The following LRRC72 variants were observed in gnomAD, a reference collection of about 807,000 sequenced individuals.
The protein encoded by LRRC72 is leucine-rich repeat-containing protein 72.
In LRRC72, 41 loss-of-function variants were observed where a neutral mutation model predicts 35.8. The observed-to-expected ratio is 1.15, with a 90% confidence interval of 0.89 to 1.49. LRRC72 has a LOEUF of 1.49. Among genes scored for constraint, LRRC72 ranks in the 40% most tolerant of loss-of-function variants. The pLI is 0.00. For synonymous variants in LRRC72, 118 were observed against 119.2 expected (o/e 0.99, Z 0.07); for missense variants, 389 against 330.7 (o/e 1.18, Z -1.37).
At chr7:16,580,436 A>G (rs951817695) in intron 8 of LRRC72, among the ~76,000 whole-genome samples, 8 of 152,176 alleles carry the variant, frequency 5.3e-5, no homozygotes, top group African/African-American at 1.9e-4. Context: ...TCAGGTCAGG[A>G]GTTCGAGACC....
chr7:16,567,946 C>G (rs1782878835), intron 7 of LRRC72, among the ~76,000 whole-genome samples: 1 of 152,102 alleles, frequency 6.6e-6, no homozygotes, highest in Non-Finnish European at 1.5e-5. Flanking sequence ...TAAAGATCAT[C>G]TGCAATTCTA....
chr7:16,546,448 A>T (rs1016764299), intron 3 of LRRC72, among the ~76,000 whole-genome samples: 2 of 152,084 alleles, frequency 1.3e-5, no homozygotes, highest in African/African-American at 4.8e-5. Context: ...GTGGCAAACA[A>T]AAATATTTCC....
At chr7:16,547,756 G>C (rs537376438) in intron 3 of LRRC72, among the ~76,000 whole-genome samples, 1 of 152,382 alleles carries the variant, frequency 6.6e-6, no homozygotes, top group East Asian at 1.9e-4. Context: ...GCGCCAAGAA[G>C]CATGGGAGAG....
intron 3 of LRRC72, among the ~76,000 whole-genome samples, chr7:16,556,087 C>T (rs1019339291): frequency 1.6e-4 from 24 of 151,268 alleles, no homozygotes; most frequent in African/African-American, 4.6e-4. Flanking sequence ...AAAAAATAGG[C>T]GTTCTCCTTA....
intron 3 of LRRC72, among the ~76,000 whole-genome samples, chr7:16,548,631 G>A (rs1782493318): frequency 2.6e-5 from 4 of 152,184 alleles, no homozygotes; most frequent in East Asian, 1.9e-4. Flanking sequence ...TGCCACAGCC[G>A]GCTGGACCCC....
chr7:16,566,646 A>G (rs1583650279), intron 6 of LRRC72, among the ~76,000 whole-genome samples: 1 of 152,178 alleles, frequency 6.6e-6, no homozygotes, highest in Non-Finnish European at 1.5e-5. Flanking sequence ...TGAGCTGAGG[A>G]AAGTATTCCT....
intron 5 of LRRC72, among the ~76,000 whole-genome samples, chr7:16,563,725 T>G (rs1056898265): frequency 2.0e-5 from 3 of 152,192 alleles, no homozygotes; most frequent in Non-Finnish European, 2.9e-5. Context: ...TATGATTGCT[T>G]CTTCTAAAAT....
chr7:16,528,290 T>G (rs1304076952), intron 1 of LRRC72, among the ~76,000 whole-genome samples: 1 of 152,062 alleles, frequency 6.6e-6, no homozygotes, highest in Non-Finnish European at 1.5e-5. Context: ...GATCCCACTC[T>G]CCTCTGGTTA....
chr7:16,552,682 A>G (rs934105345), intron 3 of LRRC72, among the ~76,000 whole-genome samples: 1 of 152,218 alleles, frequency 6.6e-6, no homozygotes, highest in African/African-American at 2.4e-5. Context: ...ACTCAAAACT[A>G]GCTTGAGAGA....
intron 3 of LRRC72, among the ~76,000 whole-genome samples, chr7:16,547,346 C>G (rs547929829): frequency 6.1e-4 from 93 of 152,272 alleles, no homozygotes; most frequent in African/African-American, 2.2e-3. Flanking sequence ...AGAGCTGGGA[C>G]TGAGGTGGTG....
At chr7:16,531,418 C>T (rs1371262433) in intron 1 of LRRC72, among the ~76,000 whole-genome samples, 2 of 152,150 alleles carry the variant, frequency 1.3e-5, no homozygotes, top group Admixed American at 6.5e-5. Context: ...AGCTGCTCTC[C>T]ATCACTAGCG....
In LRRC72 at chr7:16,527,119, T is replaced by TGGG; in HGVS notation, c.90+77_90+78insGGG. 2.7e-6 allele frequency: 3 copies of TGGG among 1,125,222 alleles called. No individual in the cohort carries two copies. In the East Asian group the frequency reaches 7.8e-5, roughly 29 times the overall value. 69.7% of individuals were successfully genotyped at this position (1,125,222 alleles called of 1,614,324 possible). On this transcript the variant is annotated intron_variant, in intron 1 of 8. Coordinates refer to ENST00000401542, the MANE Select transcript of LRRC72 (RefSeq NM_001195280.2). Reference sequence around the variant, plus strand: ...AGGGCCCCACCTCCTGCCTGAGGACTCCAGGCAGGTACTGAATTTGGAGGG... The same window carrying TGGG: ...AGGGCCCCACCTCCTGCCTGAGGACTGGGCCAGGCAGGTACTGAATTTGGAGGG...
chr7:16,535,935 C>A (rs192025427), intron 2 of LRRC72, among the ~76,000 whole-genome samples: 1 of 152,192 alleles, frequency 6.6e-6, no homozygotes. Flanking sequence ...TGCCATGGCA[C>A]GATCTCGGCT....
chr7:16,531,657 T>G (rs1782167354), intron 1 of LRRC72, among the ~76,000 whole-genome samples: 1 of 152,208 alleles, frequency 6.6e-6, no homozygotes, highest in Non-Finnish European at 1.5e-5. Context: ...AAGATTATAC[T>G]TTTCACTTTT....
intron 3 of LRRC72, among the ~76,000 whole-genome samples, chr7:16,540,414 G>A (rs1248109871): frequency 6.6e-6 from 1 of 152,178 alleles, no homozygotes; most frequent in East Asian, 1.9e-4. Context: ...GTTCATAGGT[G>A]GAAGGGACTA....
chr7:16,559,934 A>C (rs78659828), intron 5 of LRRC72, among the ~76,000 whole-genome samples: 2,625 of 152,318 alleles, frequency 0.017, 86 homozygotes, highest in African/African-American at 0.059. Flanking sequence ...AGGCCCAGCA[A>C]ACTTTATTCA....
intron 3 of LRRC72, among the ~76,000 whole-genome samples, chr7:16,548,744 T>G (rs1782495328): frequency 6.6e-6 from 1 of 152,176 alleles, no homozygotes; most frequent in African/African-American, 2.4e-5. Flanking sequence ...CCAGGCTGAG[T>G]GGGCAGAACC....
intron 3 of LRRC72, among the ~76,000 whole-genome samples, chr7:16,549,593 C>T (rs969323249): frequency 6.6e-6 from 1 of 152,178 alleles, no homozygotes; most frequent in Non-Finnish European, 1.5e-5. Context: ...TCTACCATCA[C>T]CAGAATTAAC....
rs539463324 is a variant in LRRC72 at position 16,539,048 on chromosome 7, T to C, written c.234+1352T>C. ...TAACCTGAATATGTGGAAGTAACTT[T>C]GGAACTGAGTAACAGGCAGAGGTTG... On this transcript the variant is annotated intron_variant, in intron 3 of 8. Transcript: ENST00000401542. Among the ~76,000 whole-genome samples the C allele has an allele frequency of 3.3e-5, 5 of 152,340 alleles. No homozygotes were observed. The South Asian group carries it at 1.0e-3, about 32-fold the overall frequency.
Sources: allele counts gnomAD v4.1 joint callset (sites outside exome capture counted in the v4.1 genomes callset), GRCh38; gene constraint gnomAD v4.1.1; transcripts MANE v1.5; gene names NCBI Gene and HGNC (gene_info 2026-07-23, HGNC 2026-07-21).